Variants in DAGLB observed in about 807,000 individuals in gnomAD.
DAGLB encodes the protein diacylglycerol lipase beta.
Under a neutral mutation model 72.1 loss-of-function variants are expected in DAGLB, and 66 were observed. The ratio of observed to expected loss-of-function variants is 0.92; its 90% CI spans 0.75 to 1.12. The LOEUF is 1.12. DAGLB is among the 50% of genes most tolerant of loss of function. DAGLB has a pLI of 0.00. For synonymous variants in DAGLB, 414 were observed against 359.5 expected (o/e 1.15, Z -1.71); for missense variants, 1,065 against 884.9 (o/e 1.20, Z -2.58).
rs759436325 is a variant in DAGLB at position 6,430,464 on chromosome 7, GACTGTGCCA to G, written c.929+7_929+15del. 6.7e-7 allele frequency: 1 copy of G among 1,498,756 alleles called. No homozygotes were observed. Among genetic ancestry groups the G allele is most frequent in the South Asian group, 1.3e-5 (1 of 74,342 alleles). 92.8% of individuals were successfully genotyped at this position (1,498,756 alleles called of 1,614,324 possible). On this transcript the variant is annotated splice_region_variant and intron_variant, in intron 6 of 14. Coordinates refer to ENST00000297056, the MANE Select transcript of DAGLB (RefSeq NM_139179.4). The stretch of plus-strand genomic sequence containing the variant: ...AGGGAAATATGGCTATGGAGGCTCA[GACTGTGCCA>G]ACCCACCAGTCACCACCAATCCTGC...
intron 6 of DAGLB, among the ~76,000 whole-genome samples, chr7:6,429,905 G>T (rs1020022248): frequency 1.2e-4 from 19 of 152,034 alleles, no homozygotes; most frequent in African/African-American, 4.6e-4. Flanking sequence ...TTAGCCAGCA[G>T]TGGTGGCGGG....
At position 6,416,605 on chromosome 7, in the gene DAGLB, G is replaced by A. The variant is rs376457559; in HGVS notation, c.1427+22C>T. The A allele has an allele frequency of 5.1e-6, 8 of 1,577,204 alleles. No individual in the cohort carries two copies. In the African/African-American group the frequency reaches 9.6e-5, roughly 19 times the overall value. On this transcript the variant is annotated intron_variant, in intron 11 of 14. Coordinates refer to ENST00000297056, the MANE Select transcript of DAGLB (RefSeq NM_139179.4). ...ATGACTTGTAAGTAGCAAGCTGTTA[G>A]AGCAGGAAAACAAAGGCTCACCTCC...
At chr7:6,425,213 A>G (rs1461809336) in intron 7 of DAGLB, among the ~76,000 whole-genome samples, 1 of 152,170 alleles carries the variant, frequency 6.6e-6, no homozygotes. Context: ...TGCGGTGCCT[A>G]TGAGAATCAC....
intron 9 of DAGLB, chr7:6,417,397 G>A (rs1028417300): frequency 1.3e-5 from 2 of 154,442 alleles, no homozygotes; most frequent in African/African-American, 4.8e-5. Flanking sequence ...GGGCAGCAGA[G>A]TGAGACCCTG....
rs1562491242 is a variant in DAGLB, at chr7:6,445,964, A to G, written c.236T>C (p.Val79Ala). The G allele has an allele frequency of 1.3e-6, 2 of 1,598,630 alleles. No homozygotes were observed. The highest frequency in any genetic ancestry group is 1.7e-6 in the Non-Finnish European group (2 of 1,175,382). Residue 79 changes from valine to alanine, a missense_variant, in exon 2 of 15, where the codon GTC (valine) becomes GCC (alanine). Transcript: ENST00000297056. ...AGGCTACTTTTTACCTCTCATGCTG[A>G]CACACATGATGGCTGACACAGTACA... Reference protein sequence around the residue: ...VICTVSAIMCVSMRGTICNPG... With the variant: ...VICTVSAIMCASMRGTICNPG...
intron 11 of DAGLB, among the ~76,000 whole-genome samples, chr7:6,413,555 G>A (rs748953100): frequency 2.9e-4 from 44 of 152,020 alleles, no homozygotes; most frequent in African/African-American, 3.1e-4. Flanking sequence ...GCATGAACCC[G>A]GGAGGCGGAG....
chr7:6,437,590 C>T (rs1562488166), intron 2 of DAGLB, among the ~76,000 whole-genome samples: 1 of 152,080 alleles, frequency 6.6e-6, no homozygotes, highest in African/African-American at 2.4e-5. Flanking sequence ...CACCACCACG[C>T]TGAAATAGGC....
intron 6 of DAGLB, among the ~76,000 whole-genome samples, chr7:6,427,690 G>C (rs1297581998): frequency 6.6e-6 from 1 of 152,128 alleles, no homozygotes; most frequent in Non-Finnish European, 1.5e-5. Context: ...GACCGAGGCA[G>C]GTGAATCACT....
intron 9 of DAGLB, among the ~76,000 whole-genome samples, chr7:6,418,607 A>G (rs1437944786): frequency 1.3e-5 from 2 of 151,912 alleles, no homozygotes; most frequent in African/African-American, 2.4e-5. Flanking sequence ...GGTGGAGGAA[A>G]TCCCACAGAA....
intron 13 of DAGLB, among the ~76,000 whole-genome samples, chr7:6,410,880 A>ATTTTTTTTTTT (rs35960882): frequency 3.4e-4 from 33 of 98,180 alleles, no homozygotes; most frequent in East Asian, 6.3e-4. Context: ...AATTTTTTGT[A>ATTTTTTTTTTT]TTTTTTTTTT....
Position 6,436,415 on chromosome 7 carries a change from A to G in DAGLB, c.366T>C (p.Gly122=), listed in dbSNP as rs772054387. 6.2e-7 allele frequency: 1 copy of G among 1,614,140 alleles called. No homozygotes were observed. The highest frequency in any genetic ancestry group is 8.5e-7 in the Non-Finnish European group (1 of 1,180,034). The change falls in exon 3 of 15, where the codon GGT becomes GGC. Residue 122 remains glycine, a synonymous_variant. Transcript: ENST00000297056. The stretch of plus-strand genomic sequence containing the variant: ...TTACAACTGTCCTGTCGCACTGAAC[A>G]CCATCTGCCACCCAGGCAGCCCCCA... ...ASLGAAWVAD[G]VQCDRTVVNG... is the part of the protein sequence containing the mutation.
chr7:6,410,539 T>C (rs1281898719), intron 13 of DAGLB, among the ~76,000 whole-genome samples, 159 bp from the exon 14 acceptor site: 1 of 152,126 alleles, frequency 6.6e-6, no homozygotes, highest in Admixed American at 6.6e-5. Context: ...CTGTGCTGGG[T>C]GGCAGCCACC....
chr7:6,411,585 C>T (rs1469328386), intron 13 of DAGLB, among the ~76,000 whole-genome samples: 1 of 152,184 alleles, frequency 6.6e-6, no homozygotes, highest in Non-Finnish European at 1.5e-5. Context: ...TGCGCCACTG[C>T]ACTCCAGCCT....
rs371015340 is a variant in DAGLB, at chr7:6,421,762, C to T, written c.1183G>A (p.Val395Met). ...DLSAESEVLD[V>M]ECEVQDRLAH... ...AGGCGGTCCTGCACCTCACACTCCA[C>T]GTCCAGCACCTCACTCTCCGCTGAC... Residue 395 changes from valine to methionine, a missense_variant, in exon 9 of 15, where the codon GTG becomes ATG. Physicochemically the swap from Val to Met is conservative, Grantham distance 21 (BLOSUM62 1). Transcript: ENST00000297056. The T allele has an allele frequency of 8.6e-5, 138 of 1,612,960 alleles. 1 individual carries two copies. The highest frequency in any genetic ancestry group is 1.1e-4 in the Non-Finnish European group (124 of 1,179,446).
At chr7:6,427,972 T>C (rs1383275423) in intron 6 of DAGLB, among the ~76,000 whole-genome samples, 1 of 152,196 alleles carries the variant, frequency 6.6e-6, no homozygotes, top group East Asian at 1.9e-4. Flanking sequence ...TAAATCCATA[T>C]TGACAGTAAG....
intron 11 of DAGLB, among the ~76,000 whole-genome samples, chr7:6,414,311 ATT>A (rs532628215): frequency 1.5e-5 from 2 of 135,848 alleles, no homozygotes; most frequent in African/African-American, 5.4e-5. Flanking sequence ...CACCCGGCCA[ATT>A]TTTTTTTTTT....
rs1191277948 is a variant in DAGLB, at chr7:6,410,191, A to T, written c.1759T>A (p.Tyr587Asn). The T allele has an allele frequency of 1.2e-6, 2 of 1,600,710 alleles. No individual in the cohort carries two copies. Among genetic ancestry groups the T allele is most frequent in the African/African-American group, 1.3e-5 (1 of 74,734 alleles). ...SDSPLDSSPK[Y>N]PPLYPPGRII... ...CTGCCGGGAGGGTAGAGAGGGGGGT[A>T]CTTGGGAGAAGAGTCCAGTGGGGAG... Residue 587 changes from tyrosine to asparagine, a missense_variant, in exon 14 of 15, where the codon TAC (tyrosine) becomes AAC (asparagine). Coordinates refer to ENST00000297056, the MANE Select transcript of DAGLB (RefSeq NM_139179.4).
At chr7:6,442,583 T>C (rs1328748974) in intron 2 of DAGLB, among the ~76,000 whole-genome samples, 2 of 152,196 alleles carry the variant, frequency 1.3e-5, no homozygotes, top group African/African-American at 4.8e-5. Context: ...GACACCAGTC[T>C]CAATACTTCA....
intron 1 of DAGLB, 48 bp from the exon 2 acceptor site, chr7:6,446,152 T>G (rs781695299): frequency 1.1e-5 from 17 of 1,565,738 alleles, no homozygotes; most frequent in Middle Eastern, 3.5e-4. Context: ...TCCAAGGAGC[T>G]GCTGTGTAGA....
Sources: allele counts gnomAD v4.1 joint callset (sites outside exome capture counted in the v4.1 genomes callset), GRCh38; gene constraint gnomAD v4.1.1; transcripts MANE v1.5; gene names NCBI Gene and HGNC (gene_info 2026-07-23, HGNC 2026-07-21).